E2F2: variants seen among roughly 807,000 people sequenced by gnomAD.
E2F2 encodes the protein transcription factor E2F2.
E2F2 carries 22 observed loss-of-function variants against 42.2 expected under a neutral mutation model. The ratio of observed to expected loss-of-function variants is 0.52; its 90% CI spans 0.37 to 0.74. The LOEUF is 0.74. Among genes scored for constraint, E2F2 ranks in the 30% least tolerant of loss-of-function variants. The pLI, the probability that E2F2 is intolerant of heterozygous loss-of-function variation, is 0.00. For missense variants in E2F2, 481 were observed against 557.8 expected, an observed-to-expected ratio of 0.86 and a Z score of 1.39; for synonymous variants, 248 against 251.6, an observed-to-expected ratio of 0.99 and a Z score of 0.13.
rs563073079 is a variant in E2F2 at position 23,509,963 on chromosome 1, C to T, written c.1231G>A (p.Asp411Asn). ...ISFSPSLDQD[D>N]YLWGLEAGEG... ...CCCGCCTCCAAGCCCCACAGGTAGT[C>T]GTCCTGGTCCAAGGATGGGGAGAAG... Residue 411 changes from aspartate to asparagine, a missense_variant, in exon 7 of 7, where the codon GAC becomes AAC. Coordinates refer to ENST00000361729, the MANE Select transcript of E2F2 (RefSeq NM_004091.4). 1.3e-5 allele frequency: 21 copies of T among 1,611,978 alleles called. No individual in the cohort carries two copies. The Admixed American group carries it at 2.3e-4, about 18-fold the overall frequency.
chr1:23,511,871 G>A (rs979473439), intron 6 of E2F2, among the ~76,000 whole-genome samples: 2 of 152,156 alleles, frequency 1.3e-5, no homozygotes, highest in Non-Finnish European at 2.9e-5. Context: ...ACCTCAAAGG[G>A]TTGCTCAGAG....
At position 23,516,530 on chromosome 1, in the gene E2F2, G is replaced by A. The variant is rs754279954; in HGVS notation, c.853-3C>T. 2 of 1,600,980 alleles carry A rather than the reference G, an allele frequency of 1.2e-6. No homozygotes were observed. Among genetic ancestry groups the A allele is most frequent in the South Asian group, 1.1e-5 (1 of 88,672 alleles). ...TTGAGATATATCTGCAGGTTGTCCTGGAGGAGGAAGAGAAGCCAGGTCATT... is the reference window on the plus strand; with the variant it reads ...TTGAGATATATCTGCAGGTTGTCCTAGAGGAGGAAGAGAAGCCAGGTCATT... On this transcript the variant is annotated splice_region_variant and splice_polypyrimidine_tract_variant and intron_variant, in intron 5 of 6. Coordinates refer to ENST00000361729, the MANE Select transcript of E2F2 (RefSeq NM_004091.4).
At chr1:23,514,698 G>A (rs1384683752) in intron 6 of E2F2, among the ~76,000 whole-genome samples, 1 of 151,250 alleles carries the variant, frequency 6.6e-6, no homozygotes, top group African/African-American at 2.4e-5. Flanking sequence ...TTAGCTGGGT[G>A]TGATGGCGGG....
chr1:23,512,141 T>G (rs1010125774), intron 6 of E2F2, among the ~76,000 whole-genome samples: 2 of 152,162 alleles, frequency 1.3e-5, no homozygotes, highest in South Asian at 4.1e-4. Context: ...GAGGTTGTAG[T>G]GAGGCAAGAT....
chr1:23,530,658 T>C lies in E2F2; in HGVS notation c.136A>G (p.Thr46Ala). 6.2e-7 allele frequency: 1 copy of C among 1,613,164 alleles called. No individual in the cohort carries two copies. The highest frequency in any genetic ancestry group is 8.5e-7 in the Non-Finnish European group (1 of 1,179,708). ...GGCGCCGTCTGCGGGTACAGCGGTGTGTAGTAGGTAGCAGTAGCTGGGCAG... is the reference window on the plus strand; with the variant it reads ...GGCGCCGTCTGCGGGTACAGCGGTGCGTAGTAGGTAGCAGTAGCTGGGCAG... ...QLCPATATYY[T>A]PLYPQTAPPA... Residue 46 changes from threonine (T) to alanine (A), a missense_variant, in exon 1 of 7, where the codon ACA (threonine) becomes GCA (alanine). Thr to Ala is a moderately conservative substitution (Grantham distance 58, BLOSUM62 0). Coordinates refer to ENST00000361729, the MANE Select transcript of E2F2 (RefSeq NM_004091.4). The surrounding 1 kb of genome is among the most constrained non-coding windows in gnomAD (Gnocchi z 4.4).
chr1:23,519,668 G>T (rs564926784), intron 4 of E2F2, among the ~76,000 whole-genome samples: 2 of 152,186 alleles, frequency 1.3e-5, no homozygotes, highest in African/African-American at 2.4e-5. Context: ...GGCGGCTCAT[G>T]CCTGTAATCC....
chr1:23,523,987 T>C (rs1643200687), intron 2 of E2F2, among the ~76,000 whole-genome samples: 2 of 150,252 alleles, frequency 1.3e-5, no homozygotes, highest in African/African-American at 4.9e-5. Flanking sequence ...GGTGAGAGAG[T>C]TGCTTGAACC....
intron 2 of E2F2, 33 bp downstream of exon 2, chr1:23,524,350 C>T: frequency 6.6e-7 from 1 of 1,509,650 alleles, no homozygotes; most frequent in Non-Finnish European, 9.0e-7. Flanking sequence ...CCCTGCCCCA[C>T]CCCACCCCAG....
intron 1 of E2F2, among the ~76,000 whole-genome samples, chr1:23,528,005 C>A (rs1434641446): frequency 6.6e-6 from 1 of 152,210 alleles, no homozygotes; most frequent in Non-Finnish European, 1.5e-5. Context: ...GTAATCCCAG[C>A]TACTTGGGAG....
chr1:23,521,655 A>T, intron 3 of E2F2, 182 bp downstream of exon 3: 1 of 985,300 alleles, frequency 1.0e-6, no homozygotes, highest in Non-Finnish European at 1.2e-6. Flanking sequence ...CTCACCATAC[A>T]TTGGCTCTAC....
chr1:23,516,333 A>G lies in E2F2; in HGVS notation c.1045+2T>C. 1 of 1,530,774 alleles carries G rather than the reference A, an allele frequency of 6.5e-7. No homozygotes were observed. Among genetic ancestry groups the G allele is most frequent in the South Asian group, 1.3e-5 (1 of 78,576 alleles). The allele number at this position is 1,530,774 out of a possible 1,614,324, so 94.8% of individuals were successfully genotyped here. ...TCCTGTCCCTCTGGACAAGGGACCT[A>G]CCTGAGGATGCTGTGGGCTCCATGA... is the stretch of plus-strand genomic sequence containing the variant. On this transcript the variant is annotated splice_donor_variant, in intron 6 of 6. Coordinates refer to ENST00000361729, the MANE Select transcript of E2F2 (RefSeq NM_004091.4). LOFTEE classifies it high-confidence loss of function.
chr1:23,514,773 G>T (rs3218193), intron 6 of E2F2, among the ~76,000 whole-genome samples: 3,675 of 148,786 alleles, frequency 0.025, 157 homozygotes, highest in African/African-American at 0.085. Flanking sequence ...GGAGGCAGAG[G>T]TTGCTGTGAG....
intron 6 of E2F2, among the ~76,000 whole-genome samples, chr1:23,513,762 C>T (rs901796552): frequency 2.0e-5 from 3 of 152,010 alleles, no homozygotes; most frequent in Admixed American, 2.0e-4. Flanking sequence ...GCTGGCCCCA[C>T]CAGACTGCTG....
chr1:23,526,284 C>T lies in E2F2; in HGVS notation c.253-1796G>A, dbSNP rs3218144. On this transcript the variant is annotated intron_variant, in intron 1 of 6. Coordinates refer to ENST00000361729, the MANE Select transcript of E2F2 (RefSeq NM_004091.4). ...GAGACCTTCCACATGCCCTGAACCA[C>T]GCCCCAACATTCATCACTTCACTGA... is the stretch of plus-strand genomic sequence containing the variant. Among the ~76,000 whole-genome samples, 1,435 of 152,276 alleles carry T rather than the reference C, an allele frequency of 9.4e-3. 21 individuals carry two copies. Among genetic ancestry groups the T allele is most frequent in the African/African-American group, 0.032 (1,344 of 41,534 alleles).
chr1:23,514,958 T>C (rs1374605743), intron 6 of E2F2, among the ~76,000 whole-genome samples: 1 of 152,130 alleles, frequency 6.6e-6, no homozygotes, highest in East Asian at 1.9e-4. Flanking sequence ...AAACCATTCT[T>C]AGCTCATGGG....
intron 6 of E2F2, among the ~76,000 whole-genome samples, chr1:23,511,351 C>T (rs1002387218): frequency 2.0e-5 from 3 of 152,094 alleles, no homozygotes; most frequent in African/African-American, 7.2e-5. Context: ...CCTCTCGCCT[C>T]AGCCTCCTGA....
At chr1:23,514,773 G>A (rs3218193) in intron 6 of E2F2, among the ~76,000 whole-genome samples, 1 of 148,714 alleles carries the variant, frequency 6.7e-6, no homozygotes, top group Non-Finnish European at 1.5e-5. Flanking sequence ...GGAGGCAGAG[G>A]TTGCTGTGAG....
rs1237512502 is a variant in E2F2, at chr1:23,509,940, C to T, written c.1254G>A (p.Ala418=). The change falls in exon 7 of 7, where the codon GCG becomes GCA. Residue 418 remains alanine, a synonymous_variant. Coordinates refer to ENST00000361729, the MANE Select transcript of E2F2 (RefSeq NM_004091.4). ...DQDDYLWGLE[A]GEGISDLFDS... ...CGAAGAGATCGCTGATGCCCTCACC[C>T]GCCTCCAAGCCCCACAGGTAGTCGT... 5 of 1,605,346 alleles carry T rather than the reference C, an allele frequency of 3.1e-6. No homozygotes were observed. The highest frequency in any genetic ancestry group is 1.3e-5 in the African/African-American group (1 of 74,656).
chr1:23,512,262 A>G (rs1642923905), intron 6 of E2F2, among the ~76,000 whole-genome samples: 2 of 152,224 alleles, frequency 1.3e-5, no homozygotes, highest in Middle Eastern at 3.4e-3. Flanking sequence ...TCGGGTCTGC[A>G]TGCTGCCCTT....
Sources: allele counts gnomAD v4.1 joint callset (sites outside exome capture counted in the v4.1 genomes callset), GRCh38; gene constraint gnomAD v4.1.1; non-coding constraint Gnocchi (gnomAD v3.1); transcripts MANE v1.5; gene names NCBI Gene and HGNC (gene_info 2026-07-23, HGNC 2026-07-21).